KLHL8: variants seen among roughly 807,000 people sequenced by gnomAD.
KLHL8 encodes the protein kelch like family member 8, also known as kelch-like protein 8.
Under a neutral mutation model 63.5 loss-of-function variants are expected in KLHL8, and 38 were observed. The observed-to-expected ratio is 0.60, with a 90% CI of 0.46 to 0.78. KLHL8 has a LOEUF of 0.78. Ranked by LOEUF, KLHL8 falls within the 30% of genes least tolerant of loss-of-function variation. The probability of loss-of-function intolerance (pLI) is 0.00; values close to 1 mark genes in which losing one functional copy is unlikely to be tolerated. For missense variants in KLHL8, 566 were observed against 752.4 expected, an observed-to-expected ratio of 0.75 and a Z score of 2.90; for synonymous variants, 224 against 254.3, an observed-to-expected ratio of 0.88 and a Z score of 1.13.
At chr4:87,212,197 A>C (rs1196058729) in intron 1 of KLHL8, among the ~76,000 whole-genome samples, 1 of 152,228 alleles carries the variant, frequency 6.6e-6, no homozygotes, top group Non-Finnish European at 1.5e-5. Context: ...CATTTAGCTA[A>C]GATATCCAAA....
In KLHL8 at chr4:87,163,659, G is replaced by T; in HGVS notation, c.1740-17C>A. 1.2e-6 allele frequency: 2 copies of T among 1,609,622 alleles called. No individual in the cohort carries two copies. The highest frequency in any genetic ancestry group is 1.7e-6 in the Non-Finnish European group (2 of 1,178,842). On this transcript the variant is annotated splice_polypyrimidine_tract_variant and intron_variant, in intron 9 of 9. Coordinates refer to ENST00000273963, the MANE Select transcript of KLHL8 (RefSeq NM_020803.5). ...AGCTCCCACCTGAAAAGACGGAGAA[G>T]AAAAAATGTTACAAAGCATAATTTA...
intron 1 of KLHL8, among the ~76,000 whole-genome samples, chr4:87,215,645 CT>C (rs1249562151): frequency 6.6e-6 from 1 of 152,096 alleles, no homozygotes; most frequent in Non-Finnish European, 1.5e-5. Context: ...ACTGTAAAGC[CT>C]TATAGCCCAG....
chr4:87,171,928 A>C (rs6419118), intron 6 of KLHL8, among the ~76,000 whole-genome samples: 149,443 of 152,310 alleles, frequency 0.98, 73,373 homozygotes, highest in East Asian at 1. Flanking sequence ...TACCTCAAAT[A>C]TGTCTTGCTG....
intron 1 of KLHL8, among the ~76,000 whole-genome samples, chr4:87,214,415 G>GATAGATAT (rs1210785609): frequency 1.1e-5 from 1 of 93,086 alleles, no homozygotes; most frequent in African/African-American, 3.7e-5. Context: ...GCACATAACA[G>GATAGATAT]ATATATATAT....
chr4:87,216,605 T>A (rs533375474), intron 1 of KLHL8, among the ~76,000 whole-genome samples: 1 of 152,332 alleles, frequency 6.6e-6, no homozygotes, highest in East Asian at 1.9e-4. Flanking sequence ...AGATTCAGGT[T>A]AAGAGTCAGA....
chr4:87,184,668 A>G (rs566185737), intron 3 of KLHL8, among the ~76,000 whole-genome samples: 2 of 152,200 alleles, frequency 1.3e-5, no homozygotes, highest in East Asian at 3.9e-4. Flanking sequence ...GGAAGACGAC[A>G]AAAGAAAAAA....
At position 87,160,725 on chromosome 4, in the gene KLHL8, A is replaced by T. The variant is rs1302452872; in HGVS notation, c.*2794T>A. On this transcript the variant is annotated 3_prime_UTR_variant, in exon 10 of 10. Transcript: ENST00000273963. ...AATGGCTTTAATGACTAAATGAAAGAATCACAAAGCACCTAGAAATATTTA... is the reference window on the plus strand; with the variant it reads ...AATGGCTTTAATGACTAAATGAAAGTATCACAAAGCACCTAGAAATATTTA... The T allele has an allele frequency of 1.3e-5, 2 of 152,256 alleles. No individual in the cohort carries two copies. 9.4% of individuals were successfully genotyped at this position (152,256 alleles called of 1,614,324 possible).
intron 1 of KLHL8, among the ~76,000 whole-genome samples, chr4:87,196,571 C>T (rs768984265): frequency 5.1e-4 from 77 of 152,078 alleles, no homozygotes; most frequent in Non-Finnish European, 8.7e-4. Context: ...GCCAAACATA[C>T]GAAATGCTGC....
chr4:87,171,582 T>C (rs1414527847), intron 6 of KLHL8, among the ~76,000 whole-genome samples: 1 of 152,230 alleles, frequency 6.6e-6, no homozygotes, highest in Non-Finnish European at 1.5e-5. Flanking sequence ...TGAGAACAAG[T>C]ACATGTGTTC....
chr4:87,224,146 C>T (rs183775351), upstream of KLHL8, among the ~76,000 whole-genome samples: 791 of 152,246 alleles, frequency 5.2e-3, 6 homozygotes, highest in Middle Eastern at 0.014. Context: ...ACTGCAACCT[C>T]CGTCTCCCAG....
At chr4:87,235,129 T>C (rs1733204662) in intron 1 of KLHL8, among the ~76,000 whole-genome samples, 1 of 152,190 alleles carries the variant, frequency 6.6e-6, no homozygotes, top group Admixed American at 6.5e-5. Context: ...AGCCTGACTG[T>C]ACAGTGTTTG....
chr4:87,222,687 G>A (rs1732901333), upstream of KLHL8, among the ~76,000 whole-genome samples: 1 of 152,128 alleles, frequency 6.6e-6, no homozygotes, highest in Non-Finnish European at 1.5e-5. Flanking sequence ...AGGTTCAAGT[G>A]ATTCTCCTGC....
chr4:87,228,401 T>A (rs1357457115), intron 1 of KLHL8, among the ~76,000 whole-genome samples: 1 of 152,214 alleles, frequency 6.6e-6, no homozygotes, highest in Non-Finnish European at 1.5e-5. Context: ...TCAGGGACTA[T>A]GCCCTTAACC....
intron 1 of KLHL8, among the ~76,000 whole-genome samples, chr4:87,201,222 G>GTACT (rs1453291206): frequency 6.6e-5 from 10 of 152,180 alleles, no homozygotes; most frequent in Non-Finnish European, 1.5e-5. Context: ...TAACACTAGT[G>GTACT]TACTGTACAC....
At chr4:87,211,354 C>T (rs1732397741) in intron 1 of KLHL8, among the ~76,000 whole-genome samples, 1 of 152,100 alleles carries the variant, frequency 6.6e-6, no homozygotes, top group South Asian at 2.1e-4. Context: ...TTTTTATTTA[C>T]ATTTAAAATT....
At chr4:87,234,657 T>C (rs1383758601) in intron 1 of KLHL8, among the ~76,000 whole-genome samples, 1 of 152,214 alleles carries the variant, frequency 6.6e-6, no homozygotes, top group African/African-American at 2.4e-5. Flanking sequence ...TACTGGTTTA[T>C]TTACTATACT....
rs541622490 is a variant in KLHL8 at position 87,212,664 on chromosome 4, T to G, written c.-152+7754A>C. Among the ~76,000 whole-genome samples, 9 of 152,314 alleles carry G rather than the reference T, an allele frequency of 5.9e-5. No individual in the cohort carries two copies. In the East Asian group the frequency reaches 1.7e-3, roughly 29 times the overall value. The stretch of plus-strand genomic sequence containing the variant: ...TGCATATCAGTGTTCTGGTCCACAA[T>G]AGATGATGATGGTGACCAATGCATA... On this transcript the variant is annotated intron_variant, in intron 1 of 9. Transcript: ENST00000273963.
chr4:87,198,535 C>T (rs1305451664), intron 1 of KLHL8, among the ~76,000 whole-genome samples: 2 of 152,138 alleles, frequency 1.3e-5, no homozygotes, highest in Non-Finnish European at 2.9e-5. Flanking sequence ...CCGGATGAAT[C>T]TCAAAGTATG....
chr4:87,181,497 T>C (rs1438285029), intron 4 of KLHL8, among the ~76,000 whole-genome samples: 1 of 151,952 alleles, frequency 6.6e-6, no homozygotes, highest in Non-Finnish European at 1.5e-5. Flanking sequence ...GCTAGGATTA[T>C]AATCCCAGAA....
Sources: gnomAD v4.1 joint callset for allele counts (sites outside exome capture counted in the v4.1 genomes callset) on GRCh38, gnomAD v4.1.1 for gene constraint, MANE v1.5 for transcripts, NCBI Gene and HGNC (gene_info 2026-07-23, HGNC 2026-07-21) for gene names.